Variants in ADAM10 observed in about 807,000 individuals in gnomAD.
ADAM10 encodes ADAM metallopeptidase domain 10, also known as disintegrin and metalloproteinase domain-containing protein 10.
In ADAM10, 17 loss-of-function variants were observed where a neutral mutation model predicts 90.1. That is an observed-to-expected ratio of 0.19 (90% CI 0.13 to 0.28). The LOEUF (loss-of-function observed/expected upper bound fraction) is 0.28. ADAM10 is among the 10% of genes least tolerant of loss of function. ADAM10 has a pLI of 1.00. For synonymous variants in ADAM10, 310 were observed against 298.6 expected, an observed-to-expected ratio of 1.04 and a Z score of -0.40; for missense variants, 610 against 914.3, an observed-to-expected ratio of 0.67 and a Z score of 4.29.
At chr15:58,661,148 A>T (rs534978271) in intron 5 of ADAM10, among the ~76,000 whole-genome samples, 1 of 152,262 alleles carries the variant, frequency 6.6e-6, no homozygotes, top group African/African-American at 2.4e-5. Context: ...TATATTACAA[A>T]ATCCATTATA....
intron 5 of ADAM10, among the ~76,000 whole-genome samples, chr15:58,652,774 A>G (rs1304850652): frequency 6.6e-6 from 1 of 151,822 alleles, no homozygotes; most frequent in Non-Finnish European, 1.5e-5. Context: ...TCTGTGAAGA[A>G]TGACAATGGC....
At chr15:58,691,369 C>T (rs1161847661) in intron 2 of ADAM10, 2 of 886,166 alleles carry the variant, frequency 2.3e-6, no homozygotes, top group Non-Finnish European at 3.8e-6. Flanking sequence ...ATATATATTA[C>T]CTCGAAGCCC....
At chr15:58,642,357 C>G (rs747211630) in intron 7 of ADAM10, among the ~76,000 whole-genome samples, 1 of 151,560 alleles carries the variant, frequency 6.6e-6, no homozygotes, top group African/African-American at 2.4e-5. Flanking sequence ...CCCAGCTACT[C>G]GGGAGGCTGA....
chr15:58,665,055 C>A, intron 5 of ADAM10, 42 bp downstream of exon 5: 1 of 1,391,534 alleles, frequency 7.2e-7, no homozygotes, highest in Non-Finnish European at 1.0e-6. Context: ...TCCTCAAATT[C>A]ATTTCCATTT....
At chr15:58,689,944 A>ACCCCG (rs1566996182) in intron 2 of ADAM10, among the ~76,000 whole-genome samples, 5 of 75,236 alleles carry the variant, frequency 6.6e-5, no homozygotes, top group Non-Finnish European at 1.3e-4. Context: ...CCAAAGACAG[A>ACCCCG]CCCCCCCCAA....
chr15:58,717,568 T>C lies in ADAM10; in HGVS notation c.206+9A>G. ...AACTTCAGACACAGTCAGCAATAAA[T>C]TTACTTACCTTCCATGGGCATGGAA... On this transcript the variant is annotated intron_variant, in intron 2 of 15. Transcript: ENST00000260408. 6.8e-6 allele frequency: 11 copies of C among 1,613,808 alleles called. No individual in the cohort carries two copies. Among genetic ancestry groups the C allele is most frequent in the Non-Finnish European group, 9.3e-6 (11 of 1,179,862 alleles).
intron 5 of ADAM10, among the ~76,000 whole-genome samples, chr15:58,658,798 C>T (rs996764957): frequency 4.6e-5 from 7 of 151,998 alleles, no homozygotes; most frequent in African/African-American, 7.3e-5. Flanking sequence ...ATATAGAATA[C>T]GACTGATTAT....
intron 2 of ADAM10, among the ~76,000 whole-genome samples, chr15:58,704,308 G>A (rs1940732139): frequency 1.3e-5 from 2 of 152,134 alleles, no homozygotes; most frequent in Non-Finnish European, 2.9e-5. Flanking sequence ...GGGACTGGAG[G>A]GAGAGAAAAA....
At chr15:58,655,918 T>C (rs1224621441) in intron 5 of ADAM10, among the ~76,000 whole-genome samples, 1 of 150,750 alleles carries the variant, frequency 6.6e-6, no homozygotes, top group Non-Finnish European at 1.5e-5. Flanking sequence ...AGCTAATTTT[T>C]CTATTTTTAA....
In ADAM10 at chr15:58,589,429, A is replaced by G. The variant is rs931529410; in HGVS notation, c.*8118T>C. ...CTGGGAAGTCATCTTGGCTCTTCCC[A>G]CTACCTACCTACCATGCTCGATATG... On this transcript the variant is annotated 3_prime_UTR_variant, in exon 16 of 16. Transcript: ENST00000260408. The G allele has an allele frequency of 1.3e-5, 2 of 152,262 alleles. No homozygotes were observed. Among genetic ancestry groups the G allele is most frequent in the African/African-American group, 4.8e-5 (2 of 41,442 alleles). The allele number at this position is 152,262 out of a possible 1,614,324, so 9.4% of individuals were successfully genotyped here.
chr15:58,603,239 A>T (rs1895164045), intron 14 of ADAM10, among the ~76,000 whole-genome samples: 1 of 152,192 alleles, frequency 6.6e-6, no homozygotes, highest in Non-Finnish European at 1.5e-5. Context: ...ATTCATCCTC[A>T]AATAACAGAC....
intron 5 of ADAM10, among the ~76,000 whole-genome samples, chr15:58,663,460 T>C (rs573354364): frequency 2.0e-5 from 3 of 152,286 alleles, no homozygotes; most frequent in African/African-American, 4.8e-5. Context: ...TCAATTATTA[T>C]AGCAAGTCTT....
chr15:58,627,307 G>A (rs117554307), intron 10 of ADAM10, among the ~76,000 whole-genome samples: 1,587 of 152,242 alleles, frequency 0.01, 66 homozygotes, highest in Admixed American at 0.088. Flanking sequence ...AGAAAGTTCC[G>A]GGGTGACAGA....
chr15:58,701,689 T>C (rs1367632559), intron 2 of ADAM10, among the ~76,000 whole-genome samples: 1 of 152,152 alleles, frequency 6.6e-6, no homozygotes, highest in African/African-American at 2.4e-5. Context: ...TGCACTCCCA[T>C]GTTTAGTGCA....
rs1894828149 is a variant in ADAM10, at chr15:58,591,748, ATCATT to A, written c.*5794_*5798del. 6.6e-6 allele frequency: 1 copy of A among 152,252 alleles called. No individual in the cohort carries two copies. The highest frequency in any genetic ancestry group is 1.5e-5 in the Non-Finnish European group (1 of 68,044). The allele number at this position is 152,252 out of a possible 1,614,324, so 9.4% of individuals were successfully genotyped here. ...TTTTAAGCAAAAACTTATACATCGT[ATCATT>A]TCATTTTTTAAGTGTTTCAATTTGC... On this transcript the variant is annotated 3_prime_UTR_variant, in exon 16 of 16. Transcript: ENST00000260408.
At chr15:58,655,711 G>GTATATATATATATATATATAGTA (rs1896802273) in intron 5 of ADAM10, among the ~76,000 whole-genome samples, 1 of 53,734 alleles carries the variant, frequency 1.9e-5, no homozygotes, top group Non-Finnish European at 3.2e-5. Context: ...TATATATATA[G>GTATATATATATATATATATAGTA]TATATATATA....
At chr15:58,723,463 T>C (rs538109551) in intron 1 of ADAM10, among the ~76,000 whole-genome samples, 156 of 152,144 alleles carry the variant, frequency 1.0e-3, no homozygotes, top group Non-Finnish European at 1.9e-3. Context: ...GGTGGGTAGA[T>C]CACCTGAGGT....
chr15:58,631,692 C>T (rs1301252953), intron 9 of ADAM10, among the ~76,000 whole-genome samples: 2 of 152,282 alleles, frequency 1.3e-5, no homozygotes, highest in East Asian at 3.9e-4. Flanking sequence ...TAAAATTCCC[C>T]TGGTAAGGCC....
At chr15:58,610,576 A>G (rs1388210961) in intron 13 of ADAM10, 59 bp from the exon 14 acceptor site, 84 of 1,521,872 alleles carry the variant, frequency 5.5e-5, no homozygotes, top group Non-Finnish European at 7.5e-5. Context: ...GTTGAAGATC[A>G]GATTTCCAGT....
Sources: gnomAD v4.1 joint callset for allele counts (sites outside exome capture counted in the v4.1 genomes callset) on GRCh38, gnomAD v4.1.1 for gene constraint, MANE v1.5 for transcripts, NCBI Gene and HGNC (gene_info 2026-07-23, HGNC 2026-07-21) for gene names.